PCDHB10: variants seen among roughly 807,000 people sequenced by gnomAD.
The protein encoded by PCDHB10 is protocadherin beta-10.
For synonymous variants in PCDHB10, 448 were observed against 449.2 expected (o/e 1.00, Z 0.04); for missense variants, 1,046 against 1,004.7 (o/e 1.04, Z -0.56).
Position 141,195,167 on chromosome 5 carries a change from G to T in PCDHB10, c.*212G>T. 1 of 485,988 alleles carries T rather than the reference G, an allele frequency of 2.1e-6. No individual in the cohort carries two copies. Among genetic ancestry groups the T allele is most frequent in the Non-Finnish European group, 3.6e-6 (1 of 274,886 alleles). 30.1% of individuals were successfully genotyped at this position (485,988 alleles called of 1,614,324 possible). ...ATTTTTTTCTAAATGATAGTGTTAAGGTTTTAATTCTTTCCAACTGCCCAA... is the reference window on the plus strand; with the variant it reads ...ATTTTTTTCTAAATGATAGTGTTAATGTTTTAATTCTTTCCAACTGCCCAA... On this transcript the variant is annotated 3_prime_UTR_variant, in exon 1 of 1. Transcript: ENST00000239446.
chr5:141,192,804 G>T lies in PCDHB10; in HGVS notation c.252G>T (p.Leu84Phe). The change falls in exon 1 of 1, where the codon TTG becomes TTT. Residue 84 changes from leucine to phenylalanine, a missense_variant. Leu to Phe is a conservative substitution (Grantham distance 22, BLOSUM62 0). Transcript: ENST00000239446. ...TCCTGGATTCACATACCGGGAATTT[G>T]CTCACAAATGAGAAACTGGACCGAG... ...YLLLDSHTGNLLTNEKLDREK... is the reference protein window; with the variant it reads ...YLLLDSHTGNFLTNEKLDREK... 6.2e-7 allele frequency: 1 copy of T among 1,609,088 alleles called. No homozygotes were observed. Among genetic ancestry groups the T allele is most frequent in the Non-Finnish European group, 8.5e-7 (1 of 1,176,422 alleles).
chr5:141,194,749 C>T lies in PCDHB10; in HGVS notation c.2197C>T (p.Pro733Ser). The change falls in exon 1 of 1, where the codon CCT (proline) becomes TCT (serine). Residue 733 changes from proline (P) to serine (S), a missense_variant. Physicochemically the swap from Pro to Ser is moderately conservative, Grantham distance 74. Transcript: ENST00000239446. ...GGGTCGCTGCTCGGTGCCCGAGGGT[C>T]CTTTTCCAGGGCATCTGGTGGACGT... ...SVGRCSVPEG[P>S]FPGHLVDVRG... is the part of the protein sequence containing the mutation. 1 of 1,613,886 alleles carries T rather than the reference C, an allele frequency of 6.2e-7. No individual in the cohort carries two copies. Among genetic ancestry groups the T allele is most frequent in the Non-Finnish European group, 8.5e-7 (1 of 1,180,002 alleles).
In PCDHB10 at chr5:141,194,731, T is replaced by A. The variant is rs1754014849; in HGVS notation, c.2179T>A (p.Cys727Ser). The change falls in exon 1 of 1, where the codon TGC becomes AGC. Residue 727 changes from cysteine to serine, a missense_variant. Transcript: ENST00000239446. ...RRSRAASVGR[C>S]SVPEGPFPGH... ...GAGCAGGGCGGCCTCGGTGGGTCGC[T>A]GCTCGGTGCCCGAGGGTCCTTTTCC... 6.2e-7 allele frequency: 1 copy of A among 1,612,548 alleles called. No individual in the cohort carries two copies. Among genetic ancestry groups the A allele is most frequent in the Non-Finnish European group, 8.5e-7 (1 of 1,179,852 alleles).
Position 141,192,748 on chromosome 5 carries a change from G to C in PCDHB10, c.196G>C (p.Val66Leu). ...EGELAARGTR[V>L]VSDDNKQYLL... ...GGAGCTGGCTGCAAGGGGAACCAGG[G>C]TGGTTTCCGATGATAACAAACAATA... The change falls in exon 1 of 1, where the codon GTG becomes CTG. Residue 66 changes from valine to leucine, a missense_variant. Transcript: ENST00000239446. The C allele has an allele frequency of 1.2e-6, 2 of 1,609,108 alleles. No individual in the cohort carries two copies. The highest frequency in any genetic ancestry group is 1.7e-4 in the Middle Eastern group (1 of 6,000).
Position 141,193,878 on chromosome 5 carries a change from C to T in PCDHB10, c.1326C>T (p.Ser442=), listed in dbSNP as rs142139277. 1,525 of 1,613,794 alleles carry T rather than the reference C, an allele frequency of 9.4e-4. 12 individuals carry two copies. In the African/African-American group the frequency reaches 0.017, roughly 18 times the overall value. The change falls in exon 1 of 1, where the codon TCC becomes TCT. Residue 442 remains serine, a synonymous_variant. Transcript: ENST00000239446. ...AGCACAACATAACGGTCCTGGTCTC[C>T]GACGTCAATGACAACGCCCCCGCCT... ...KTEHNITVLV[S]DVNDNAPAFT...
At position 141,192,904 on chromosome 5, in the gene PCDHB10, C is replaced by A; in HGVS notation, c.352C>A (p.Arg118=). 1.9e-6 allele frequency: 3 copies of A among 1,613,938 alleles called. No homozygotes were observed. Among genetic ancestry groups the A allele is most frequent in the Non-Finnish European group, 2.5e-6 (3 of 1,179,998 alleles). ...ILMDDPFQIY[R]AELRVRDIND... Reference sequence around the variant, plus strand: ...AATGGATGATCCCTTTCAGATTTACCGGGCTGAGCTGAGAGTCAGGGATAT... The same window carrying A: ...AATGGATGATCCCTTTCAGATTTACAGGGCTGAGCTGAGAGTCAGGGATAT... Residue 118 remains arginine, a synonymous_variant, in exon 1 of 1, where the codon CGG becomes AGG. Transcript: ENST00000239446.
Position 141,194,147 on chromosome 5 carries a change from G to C in PCDHB10, c.1595G>C (p.Gly532Ala), listed in dbSNP as rs782422035. 2.5e-6 allele frequency: 4 copies of C among 1,604,874 alleles called. No homozygotes were observed. The highest frequency in any genetic ancestry group is 3.4e-6 in the Non-Finnish European group (4 of 1,177,290). The stretch of plus-strand genomic sequence containing the variant: ...CTGCAGGCTTTCGAGTTCCGCGTGG[G>C]CGCCACAGACCGCGGCTCCCCCGCG... ...EALQAFEFRV[G>A]ATDRGSPALS... Residue 532 changes from glycine (G) to alanine (A), a missense_variant, in exon 1 of 1, where the codon GGC becomes GCC. Physicochemically the swap from Gly to Ala is moderately conservative, Grantham distance 60. Coordinates refer to ENST00000239446, the MANE Select transcript of PCDHB10 (RefSeq NM_018930.4).
At position 141,194,902 on chromosome 5, in the gene PCDHB10, A is replaced by G; in HGVS notation, c.2350A>G (p.Lys784Glu). ...SDIQAQGPGR[K>E]GEENSTFRNS... ...TATTCAGGCACAGGGCCCTGGGAGGAAGGGTGAAGAAAATTCCACCTTCCG... is the reference window on the plus strand; with the variant it reads ...TATTCAGGCACAGGGCCCTGGGAGGGAGGGTGAAGAAAATTCCACCTTCCG... The change falls in exon 1 of 1, where the codon AAG (lysine) becomes GAG (glutamate). Residue 784 changes from lysine (K) to glutamate (E), a missense_variant. Lys to Glu is a moderately conservative substitution (Grantham distance 56, BLOSUM62 1). Transcript: ENST00000239446. 1 of 1,612,974 alleles carries G rather than the reference A, an allele frequency of 6.2e-7. No individual in the cohort carries two copies. Among genetic ancestry groups the G allele is most frequent in the Non-Finnish European group, 8.5e-7 (1 of 1,179,540 alleles).
Position 141,193,381 on chromosome 5 carries a change from G to A in PCDHB10, c.829G>A (p.Val277Ile). 1.2e-6 allele frequency: 2 copies of A among 1,614,186 alleles called. No homozygotes were observed. Among genetic ancestry groups the A allele is most frequent in the East Asian group, 4.5e-5 (2 of 44,882 alleles). The change falls in exon 1 of 1, where the codon GTA becomes ATA. Residue 277 changes from valine to isoleucine, a missense_variant. Val to Ile is a conservative substitution (Grantham distance 29, BLOSUM62 3). Coordinates refer to ENST00000239446, the MANE Select transcript of PCDHB10 (RefSeq NM_018930.4). ...EDVDSGVNAE[V>I]SYSFFDASEN... ...TGTAGACTCTGGAGTCAACGCGGAA[G>A]TATCCTATTCATTTTTTGATGCCTC...
At position 141,193,396 on chromosome 5, in the gene PCDHB10, T is replaced by A. The variant is rs143726447; in HGVS notation, c.844T>A (p.Phe282Ile). ...CAACGCGGAAGTATCCTATTCATTT[T>A]TTGATGCCTCAGAAAATATTCGAAC... ...GVNAEVSYSF[F>I]DASENIRTTF... is the part of the protein sequence containing the mutation. Residue 282 changes from phenylalanine to isoleucine, a missense_variant, in exon 1 of 1, where the codon TTT (phenylalanine) becomes ATT (isoleucine). Physicochemically the swap from Phe to Ile is conservative, Grantham distance 21. Transcript: ENST00000239446. 2.3e-4 allele frequency: 370 copies of A among 1,614,206 alleles called. 2 individuals are homozygous for A. The African/African-American group carries it at 3.6e-3, about 16-fold the overall frequency.
Position 141,195,087 on chromosome 5 carries a change from T to C in PCDHB10, c.*132T>C. The C allele has an allele frequency of 2.1e-6, 2 of 959,634 alleles. No individual in the cohort carries two copies. The highest frequency in any genetic ancestry group is 1.5e-6 in the Non-Finnish European group (1 of 678,062). 59.4% of individuals were successfully genotyped at this position (959,634 alleles called of 1,614,324 possible). On this transcript the variant is annotated 3_prime_UTR_variant, in exon 1 of 1. Coordinates refer to ENST00000239446, the MANE Select transcript of PCDHB10 (RefSeq NM_018930.4). ...TTCAAGTAGTATACCCCTGTGGTTT[T>C]ACAATGTTTCATCATTTTTTTGCAT...
In PCDHB10 at chr5:141,194,765, T is replaced by C; in HGVS notation, c.2213T>C (p.Leu738Pro). 1 of 1,614,060 alleles carries C rather than the reference T, an allele frequency of 6.2e-7. No homozygotes were observed. Among genetic ancestry groups the C allele is most frequent in the South Asian group, 1.1e-5 (1 of 91,074 alleles). The part of the protein sequence containing the change: ...SVPEGPFPGH[L>P]VDVRGAETLS... ...CCCGAGGGTCCTTTTCCAGGGCATC[T>C]GGTGGACGTGAGGGGCGCTGAGACC... The change falls in exon 1 of 1, where the codon CTG becomes CCG. Residue 738 changes from leucine (L) to proline (P), a missense_variant. Transcript: ENST00000239446.
Position 141,193,453 on chromosome 5 carries a change from A to G in PCDHB10, c.901A>G (p.Ile301Val), listed in dbSNP as rs1554284072. 6.2e-7 allele frequency: 1 copy of G among 1,614,120 alleles called. No individual in the cohort carries two copies. The highest frequency in any genetic ancestry group is 2.2e-5 in the East Asian group (1 of 44,880). Residue 301 changes from isoleucine (I) to valine (V), a missense_variant, in exon 1 of 1, where the codon ATC (isoleucine) becomes GTC (valine). Transcript: ENST00000239446. ...TFQINPFSGE[I>V]FLRELLDYEL... The stretch of plus-strand genomic sequence containing the variant: ...TCAAATCAATCCTTTTTCTGGGGAA[A>G]TCTTTCTCAGAGAATTGCTTGATTA...
rs782250642 is a variant in PCDHB10 at position 141,194,412 on chromosome 5, C to T, written c.1860C>T (p.His620=). 1 of 1,603,378 alleles carries T rather than the reference C, an allele frequency of 6.2e-7. No individual in the cohort carries two copies. Among genetic ancestry groups the T allele is most frequent in the South Asian group, 1.1e-5 (1 of 90,884 alleles). Residue 620 remains histidine, a synonymous_variant, in exon 1 of 1, where the codon CAC becomes CAT. Transcript: ENST00000239446. ...CCGGGCTGTTCGGTGTGTGGGCGCA[C>T]AATGGGGAGGTGCGCACCGCCAGGC... ...TEPGLFGVWA[H]NGEVRTARLL... is the part of the protein sequence containing the mutation.
chr5:141,193,077 C>T lies in PCDHB10; in HGVS notation c.525C>T (p.Asn175=), dbSNP rs782248053. 7.4e-6 allele frequency: 12 copies of T among 1,614,188 alleles called. No homozygotes were observed. Among genetic ancestry groups the T allele is most frequent in the South Asian group, 1.1e-5 (1 of 91,088 alleles). Residue 175 remains asparagine, a synonymous_variant, in exon 1 of 1, where the codon AAC becomes AAT. Coordinates refer to ENST00000239446, the MANE Select transcript of PCDHB10 (RefSeq NM_018930.4). ...TCCAAAACTACACGATCAGCCCCAA[C>T]TCTTTTTTCCATATTAACATTAGTG... ...NGIQNYTISP[N]SFFHINISGG... is the part of the protein sequence containing the mutation.
At position 141,194,795 on chromosome 5, in the gene PCDHB10, C is replaced by G. The variant is rs373189322; in HGVS notation, c.2243C>G (p.Ser748Cys). 4 of 1,614,006 alleles carry G rather than the reference C, an allele frequency of 2.5e-6. No individual in the cohort carries two copies. The highest frequency in any genetic ancestry group is 3.4e-6 in the Non-Finnish European group (4 of 1,180,016). ...GACGTGAGGGGCGCTGAGACCCTGTCCCAGAGCTACCAGTATGAGGTGTGT... is the reference window on the plus strand; with the variant it reads ...GACGTGAGGGGCGCTGAGACCCTGTGCCAGAGCTACCAGTATGAGGTGTGT... ...LVDVRGAETL[S>C]QSYQYEVCLT... The change falls in exon 1 of 1, where the codon TCC (serine) becomes TGC (cysteine). Residue 748 changes from serine (S) to cysteine (C), a missense_variant. Physicochemically the swap from Ser to Cys is moderately radical, Grantham distance 112. Coordinates refer to ENST00000239446, the MANE Select transcript of PCDHB10 (RefSeq NM_018930.4).
In PCDHB10 at chr5:141,193,484, T is replaced by C; in HGVS notation, c.932T>C (p.Leu311Ser). ...IFLRELLDYE[L>S]VNSYKINIQA... ...CTCAGAGAATTGCTTGATTATGAGTTAGTAAATTCTTACAAAATAAATATA... is the reference window on the plus strand; with the variant it reads ...CTCAGAGAATTGCTTGATTATGAGTCAGTAAATTCTTACAAAATAAATATA... Residue 311 changes from leucine (L) to serine (S), a missense_variant, in exon 1 of 1, where the codon TTA (leucine) becomes TCA (serine). By Grantham distance (145) the Leu-to-Ser change is moderately radical. Coordinates refer to ENST00000239446, the MANE Select transcript of PCDHB10 (RefSeq NM_018930.4). 2 of 1,614,184 alleles carry C rather than the reference T, an allele frequency of 1.2e-6. No homozygotes were observed. The highest frequency in any genetic ancestry group is 1.7e-6 in the Non-Finnish European group (2 of 1,180,032).
chr5:141,194,822 T>G lies in PCDHB10; in HGVS notation c.2270T>G (p.Leu757Arg). Residue 757 changes from leucine to arginine, a missense_variant, in exon 1 of 1, where the codon CTG becomes CGG. By Grantham distance (102) the Leu-to-Arg change is moderately radical. Coordinates refer to ENST00000239446, the MANE Select transcript of PCDHB10 (RefSeq NM_018930.4). Reference sequence around the variant, plus strand: ...CAGAGCTACCAGTATGAGGTGTGTCTGACGGGAGGCCCCGGGACCAGTGAG... The same window carrying G: ...CAGAGCTACCAGTATGAGGTGTGTCGGACGGGAGGCCCCGGGACCAGTGAG... ...LSQSYQYEVC[L>R]TGGPGTSEFK... is the part of the protein sequence containing the mutation. 6.2e-7 allele frequency: 1 copy of G among 1,614,164 alleles called. No individual in the cohort carries two copies. Among genetic ancestry groups the G allele is most frequent in the Non-Finnish European group, 8.5e-7 (1 of 1,180,026 alleles).
In PCDHB10 at chr5:141,192,519, T is replaced by A; in HGVS notation, c.-34T>A. 1 of 1,600,076 alleles carries A rather than the reference T, an allele frequency of 6.2e-7. No homozygotes were observed. Among genetic ancestry groups the A allele is most frequent in the Non-Finnish European group, 8.5e-7 (1 of 1,173,300 alleles). ...GTTCTTTTATGCTGGGAGCTGTGGC[T>A]GTAACCAACTAGGAAATAACGTATG... On this transcript the variant is annotated 5_prime_UTR_variant, in exon 1 of 1. Transcript: ENST00000239446.
Sources: allele counts gnomAD v4.1 joint callset, GRCh38; gene constraint gnomAD v4.1.1; transcripts MANE v1.5; gene names NCBI Gene and HGNC (gene_info 2026-07-23, HGNC 2026-07-21).